Variants in RNF144A observed in about 807,000 individuals in gnomAD.
RNF144A encodes the protein ring finger protein 144A, also known as E3 ubiquitin-protein ligase RNF144A.
Under a neutral mutation model 38.7 loss-of-function variants are expected in RNF144A, and 11 were observed. The observed-to-expected ratio is 0.28, with a 90% confidence interval of 0.18 to 0.47. The LOEUF (loss-of-function observed/expected upper bound fraction) is 0.47, where lower values mean the gene tolerates loss of function less well. RNF144A is among the 20% of genes least tolerant of loss of function. RNF144A has a pLI of 0.99. For synonymous variants in RNF144A, 149 were observed against 143.9 expected (o/e 1.04, Z -0.25); for missense variants, 316 against 377.2 (o/e 0.84, Z 1.34).
chr2:6,931,178 G>C (rs1049196881), intron 1 of RNF144A, among the ~76,000 whole-genome samples: 1 of 152,214 alleles, frequency 6.6e-6, no homozygotes, highest in Non-Finnish European at 1.5e-5. Flanking sequence ...CTTGAGCAGA[G>C]AAGGCAAGAC....
intron 2 of RNF144A, among the ~76,000 whole-genome samples, chr2:6,955,442 C>T (rs775820002): frequency 6.6e-6 from 1 of 152,084 alleles, no homozygotes; most frequent in Non-Finnish European, 1.5e-5. Context: ...ATCAGAGACC[C>T]GTGGGGATTC....
intron 6 of RNF144A, among the ~76,000 whole-genome samples, chr2:7,055,640 A>G (rs1673713741): frequency 6.6e-6 from 1 of 152,220 alleles, no homozygotes; most frequent in Non-Finnish European, 1.5e-5. Flanking sequence ...AGGCTACTGC[A>G]CAGGTGAGTC....
At chr2:6,978,378 T>C (rs1572321488) in intron 2 of RNF144A, among the ~76,000 whole-genome samples, 1 of 152,200 alleles carries the variant, frequency 6.6e-6, no homozygotes, top group East Asian at 1.9e-4. Flanking sequence ...AGATCCTTCC[T>C]GGGAACAGAC....
chr2:7,039,559 G>T, intron 8 of RNF144A, 70 bp from the exon 9 acceptor site: 1 of 1,583,442 alleles, frequency 6.3e-7, no homozygotes, highest in Non-Finnish European at 8.6e-7. Flanking sequence ...TGGTTGTGTG[G>T]TTTACACTTT....
chr2:6,966,813 A>G (rs1667693027), intron 2 of RNF144A, among the ~76,000 whole-genome samples: 1 of 152,192 alleles, frequency 6.6e-6, no homozygotes. Flanking sequence ...AAGCTTGTGC[A>G]CTGAAGGCGA....
rs753007023 is a variant in RNF144A, at chr2:7,014,552, G to A, written c.234G>A (p.Glu78=). ...AACPKQGHLQ[E]NEIECMVAAE... ...GCCCTAAACAGGGCCACCTACAGGA[G>A]AACGAGGCATGTGCAATTGAACAGA... The change falls in exon 4 of 9, where the codon GAG becomes GAA. Residue 78 remains glutamate, a synonymous_variant. Coordinates refer to ENST00000320892, the MANE Select transcript of RNF144A (RefSeq NM_014746.6). 6.3e-6 allele frequency: 10 copies of A among 1,598,518 alleles called. No individual in the cohort carries two copies. The African/African-American group carries it at 1.2e-4, about 19-fold the overall frequency.
chr2:6,939,376 A>G (rs1157486209), intron 1 of RNF144A, among the ~76,000 whole-genome samples: 6 of 152,216 alleles, frequency 3.9e-5, no homozygotes, highest in Admixed American at 3.9e-4. Context: ...GGCTATTTGA[A>G]TATCTTCTTT....
intron 1 of RNF144A, chr2:6,918,779 A>AT (rs1664333140): frequency 6.6e-6 from 1 of 151,024 alleles, no homozygotes; most frequent in East Asian, 1.9e-4. Context: ...AAAAAAAAAA[A>AT]AAAAAAAAAA....
chr2:6,941,779 A>G lies in RNF144A; in HGVS notation c.-12+632A>G, dbSNP rs1298933902. On this transcript the variant is annotated intron_variant, in intron 2 of 8. Transcript: ENST00000320892. This position sits in a 1 kb window ranked among gnomAD's most constrained non-coding sequence, Gnocchi z 6.5. ...ACATGCACTTTAAGGAGGCGCAGTA[A>G]CTAGCCACTTAGCATCTGGGCAAGA... is the stretch of plus-strand genomic sequence containing the variant. Among the ~76,000 whole-genome samples, 2 of 152,264 alleles carry G rather than the reference A, an allele frequency of 1.3e-5. No individual in the cohort carries two copies. Among genetic ancestry groups the G allele is most frequent in the Non-Finnish European group, 2.9e-5 (2 of 68,046 alleles).
chr2:7,003,182 A>G (rs1233148937), intron 3 of RNF144A, among the ~76,000 whole-genome samples: 1 of 152,214 alleles, frequency 6.6e-6, no homozygotes, highest in African/African-American at 2.4e-5. Context: ...AGAAAATGAA[A>G]AAGTTTACAA....
chr2:7,072,624 A>T (rs924769185), downstream of RNF144A, among the ~76,000 whole-genome samples: 1 of 152,208 alleles, frequency 6.6e-6, no homozygotes, highest in African/African-American at 2.4e-5. Flanking sequence ...CTGCCACAGA[A>T]TATTACTGAT....
At chr2:7,012,487 G>A (rs556011104) in intron 3 of RNF144A, among the ~76,000 whole-genome samples, 1 of 152,338 alleles carries the variant, frequency 6.6e-6, no homozygotes, top group African/African-American at 2.4e-5. Flanking sequence ...GATTGGTTGA[G>A]CCTGTCTGGC....
intron 2 of RNF144A, among the ~76,000 whole-genome samples, chr2:6,945,150 G>T (rs1050871336): frequency 3.3e-5 from 5 of 152,252 alleles, no homozygotes; most frequent in African/African-American, 1.2e-4. Flanking sequence ...GCTCGTTGAT[G>T]GTCTGCTTTT....
Position 6,999,330 on chromosome 2 carries a change from T to G in RNF144A, c.135+2269T>G, listed in dbSNP as rs535141655. ...GGGAGGAGGTGTCGGGGTGCCCTGG[T>G]CGCTTTGGTGGCGCCTTCCCCTCTG... On this transcript the variant is annotated intron_variant, in intron 3 of 8. Transcript: ENST00000320892. Among the ~76,000 whole-genome samples, 16 of 152,318 alleles carry G rather than the reference T, an allele frequency of 1.1e-4. 1 individual carries two copies. In the South Asian group the frequency reaches 2.7e-3, roughly 26 times the overall value.
intron 6 of RNF144A, among the ~76,000 whole-genome samples, chr2:7,065,644 C>G (rs1674182655): frequency 6.6e-6 from 1 of 152,164 alleles, no homozygotes; most frequent in South Asian, 2.1e-4. Flanking sequence ...AGCCAAATAT[C>G]TTTGGCAATT....
intron 1 of RNF144A, among the ~76,000 whole-genome samples, chr2:6,936,285 A>G (rs1225003090): frequency 6.6e-6 from 1 of 152,190 alleles, no homozygotes; most frequent in Non-Finnish European, 1.5e-5. Context: ...TCTTATCACT[A>G]ACTGATGGCA....
intron 6 of RNF144A, among the ~76,000 whole-genome samples, chr2:7,049,996 G>A (rs777995758): frequency 2.6e-4 from 39 of 152,324 alleles, no homozygotes; most frequent in Non-Finnish European, 4.6e-4. Flanking sequence ...TTTTTCAGTC[G>A]AAAATGCATT....
chr2:6,961,304 TG>T (rs1667318439), intron 2 of RNF144A, among the ~76,000 whole-genome samples: 1 of 152,204 alleles, frequency 6.6e-6, no homozygotes, highest in Non-Finnish European at 1.5e-5. Context: ...ATAATGATTA[TG>T]TGCTACGACA....
At chr2:6,956,699 C>T (rs1254896522) in intron 2 of RNF144A, among the ~76,000 whole-genome samples, 1 of 152,050 alleles carries the variant, frequency 6.6e-6, no homozygotes, top group Non-Finnish European at 1.5e-5. Flanking sequence ...TAGTGGCATC[C>T]GGGGACGCTG....
Sources: allele counts gnomAD v4.1 joint callset (sites outside exome capture counted in the v4.1 genomes callset), GRCh38; gene constraint gnomAD v4.1.1; non-coding constraint Gnocchi (gnomAD v3.1); transcripts MANE v1.5; gene names NCBI Gene and HGNC (gene_info 2026-07-23, HGNC 2026-07-21).